The following ZNF138 variants were observed in gnomAD, a reference collection of about 807,000 sequenced individuals.
ZNF138 encodes zinc finger protein 138.
A neutral mutation model predicts 33.0 loss-of-function variants in ZNF138; 33 were observed. That is an observed-to-expected ratio of 1.00 (90% CI 0.76 to 1.34). The LOEUF is 1.34. ZNF138 is among the 40% of genes most tolerant of loss of function. ZNF138 has a pLI of 0.00. For missense variants in ZNF138, 360 were observed against 370.8 expected (o/e 0.97, Z 0.24); for synonymous variants, 139 against 120.4 (o/e 1.15, Z -1.01).
intron 1 of ZNF138, among the ~76,000 whole-genome samples, chr7:64,799,312 A>G (rs1310238136): frequency 2.0e-5 from 3 of 151,808 alleles, no homozygotes; most frequent in African/African-American, 7.3e-5. Context: ...GATTACAGAC[A>G]TGCGCCACCA....
At chr7:64,801,802 T>G (rs916809578) in intron 1 of ZNF138, among the ~76,000 whole-genome samples, 1 of 152,180 alleles carries the variant, frequency 6.6e-6, no homozygotes, top group Non-Finnish European at 1.5e-5. Context: ...CATAAATCTC[T>G]AAGAACTTGC....
chr7:64,798,627 A>G (rs563546717), intron 1 of ZNF138, among the ~76,000 whole-genome samples: 24 of 152,256 alleles, frequency 1.6e-4, no homozygotes, highest in Admixed American at 3.9e-4. Context: ...CCCTACAAAA[A>G]AAATAGTCGG....
chr7:64,798,446 AAG>A (rs1786869729), intron 1 of ZNF138, among the ~76,000 whole-genome samples: 1 of 152,244 alleles, frequency 6.6e-6, no homozygotes, highest in African/African-American at 2.4e-5. Flanking sequence ...AAATACAAAA[AAG>A]AAAATCTTAT....
At chr7:64,853,788 A>T in the ZNF138 span, among the ~76,000 whole-genome samples, 2 of 152,100 alleles carry the variant, frequency 1.3e-5, no homozygotes, top group African/African-American at 2.4e-5. Flanking sequence ...TAATTCTCAC[A>T]GTAACTGAAT....
chr7:64,796,652 C>G (rs991828312), intron 1 of ZNF138, among the ~76,000 whole-genome samples: 8 of 152,126 alleles, frequency 5.3e-5, no homozygotes, highest in African/African-American at 1.9e-4. Context: ...TTTTTTATGG[C>G]TGGGTGATGT....
In ZNF138 at chr7:64,815,220, C is replaced by T. The variant is rs145303439; in HGVS notation, c.130+176C>T. Among the ~76,000 whole-genome samples the T allele has an allele frequency of 2.5e-3, 382 of 150,818 alleles. 1 individual carries two copies. Among genetic ancestry groups the T allele is most frequent in the African/African-American group, 7.1e-3 (292 of 41,008 alleles). ...AGAAAACAATTTCTTTAAGATGTTT[C>T]ATCTTGACCTGAACTTTCCACATTT... On this transcript the variant is annotated intron_variant, in intron 2 of 3. Transcript: ENST00000307355.
the ZNF138 span, chr7:64,853,095 T>C: frequency 1.4e-6 from 2 of 1,415,058 alleles, no homozygotes; most frequent in East Asian, 2.3e-5. Context: ...ATTGGGTAAA[T>C]GTAATCTGTA....
chr7:64,859,535 G>A, the ZNF138 span, among the ~76,000 whole-genome samples: 2 of 152,182 alleles, frequency 1.3e-5, no homozygotes, highest in South Asian at 4.1e-4. Context: ...GACCTACTAA[G>A]ATTAGTCAGG....
rs1402155660 is a variant in ZNF138 at position 64,804,217 on chromosome 7, C to A, written c.3+9646C>A. Among the ~76,000 whole-genome samples the A allele has an allele frequency of 3.3e-5, 5 of 152,254 alleles. No homozygotes were observed. The East Asian group carries it at 7.7e-4, about 24-fold the overall frequency. ...GTGGGCCTGGTAGTTAAAGATTGAC[C>A]CCTGACCTAATTGGCTATGTTATCT... On this transcript the variant is annotated intron_variant, in intron 1 of 3. Transcript: ENST00000307355.
downstream of ZNF138, among the ~76,000 whole-genome samples, chr7:64,837,122 C>T (rs111280468): frequency 2.0e-4 from 31 of 152,098 alleles, no homozygotes; most frequent in African/African-American, 6.8e-4. Context: ...AGAATTCATG[C>T]GGTATTTGAT....
chr7:64,831,916 G>A lies in ZNF138; in HGVS notation c.674G>A (p.Cys225Tyr), dbSNP rs369681693. 1 of 1,613,698 alleles carries A rather than the reference G, an allele frequency of 6.2e-7. No individual in the cohort carries two copies. Among genetic ancestry groups the A allele is most frequent in the East Asian group, 2.2e-5 (1 of 44,850 alleles). ...KIHTGEKPYK[C>Y]EVCGKAFHQS... ...CATACTGGAGAAAAACCCTACAAAT[G>A]TGAAGTATGTGGAAAAGCCTTTCAC... Residue 225 changes from cysteine (C) to tyrosine (Y), a missense_variant, in exon 4 of 4, where the codon TGT becomes TAT. Cys to Tyr is a radical substitution (Grantham distance 194). Coordinates refer to ENST00000307355, the MANE Select transcript of ZNF138 (RefSeq NM_001271639.2).
Position 64,832,019 on chromosome 7 carries a change from C to G in ZNF138, c.777C>G (p.Ala259=), listed in dbSNP as rs1350752779. 1 of 1,613,744 alleles carries G rather than the reference C, an allele frequency of 6.2e-7. No individual in the cohort carries two copies. The highest frequency in any genetic ancestry group is 1.7e-5 in the Admixed American group (1 of 59,992). The change falls in exon 4 of 4, where the codon GCC becomes GCG. Residue 259 remains alanine, a synonymous_variant. Coordinates refer to ENST00000307355, the MANE Select transcript of ZNF138 (RefSeq NM_001271639.2). The stretch of plus-strand genomic sequence containing the variant: ...ATAAATGTGCACACTGTGGCAAAGC[C>G]TTTAAACAGTCCTCACACCTTACTA... ...KPYKCAHCGK[A]FKQSSHLTRH...
chr7:64,854,380 A>G, the ZNF138 span, among the ~76,000 whole-genome samples: 4 of 152,156 alleles, frequency 2.6e-5, no homozygotes, highest in Non-Finnish European at 5.9e-5. Context: ...AGCTGAAACT[A>G]CAGGCACACA....
chr7:64,853,014 C>G, the ZNF138 span: 1 of 1,493,948 alleles, frequency 6.7e-7, no homozygotes, highest in Non-Finnish European at 9.3e-7. Flanking sequence ...CATTCTGTGA[C>G]CCCCATTGCG....
At chr7:64,860,527 T>C in the ZNF138 span, among the ~76,000 whole-genome samples, 1 of 152,324 alleles carries the variant, frequency 6.6e-6, no homozygotes. Flanking sequence ...TATGCAATAA[T>C]GATATGAACA....
intron 1 of ZNF138, among the ~76,000 whole-genome samples, chr7:64,806,126 A>G (rs1248012261): frequency 6.6e-6 from 1 of 152,210 alleles, no homozygotes; most frequent in Non-Finnish European, 1.5e-5. Context: ...ACCACATATA[A>G]TATAAACATA....
the ZNF138 span, among the ~76,000 whole-genome samples, chr7:64,845,362 A>G: frequency 3.3e-5 from 5 of 152,308 alleles, no homozygotes; most frequent in Middle Eastern, 6.8e-3. Flanking sequence ...CATTTTTGCA[A>G]TTGCAAATCA....
chr7:64,802,843 C>G (rs1415718643), intron 1 of ZNF138, among the ~76,000 whole-genome samples: 4 of 152,030 alleles, frequency 2.6e-5, no homozygotes, highest in African/African-American at 9.7e-5. Flanking sequence ...TTTACAGATA[C>G]AGTCACCCCC....
chr7:64,813,948 CT>C (rs1788399801), intron 1 of ZNF138: 2 of 874,482 alleles, frequency 2.3e-6, no homozygotes, highest in Admixed American at 1.1e-4. Flanking sequence ...TATCTTTATG[CT>C]GCTGATGTGG....
Sources: allele counts gnomAD v4.1 joint callset (sites outside exome capture counted in the v4.1 genomes callset), GRCh38; gene constraint gnomAD v4.1.1; transcripts MANE v1.5; gene names NCBI Gene and HGNC (gene_info 2026-07-23, HGNC 2026-07-21).